Variants in FHIT observed in about 807,000 individuals in gnomAD.
The protein encoded by FHIT is bis(5'-adenosyl)-triphosphatase.
FHIT carries 19 observed loss-of-function variants against 17.9 expected under a neutral mutation model. That is an observed-to-expected ratio of 1.06 (90% CI 0.74 to 1.56). The LOEUF is 1.56. Among genes scored for constraint, FHIT ranks in the 40% most tolerant of loss-of-function variants. FHIT has a pLI of 0.00. For synonymous variants in FHIT, 81 were observed against 69.7 expected (o/e 1.16, Z -0.81); for missense variants, 248 against 189.2 (o/e 1.31, Z -1.82).
intron 5 of FHIT, among the ~76,000 whole-genome samples, chr3:60,199,568 C>G (rs213297): frequency 0.92 from 139,242 of 152,164 alleles, 63,707 homozygotes; most frequent in Non-Finnish European, 0.92. Flanking sequence ...GGGGTAATAG[C>G]GAGAGAATTA....
At chr3:60,501,680 C>A (rs2034531847) in intron 5 of FHIT, among the ~76,000 whole-genome samples, 1 of 152,204 alleles carries the variant, frequency 6.6e-6, no homozygotes, top group South Asian at 2.1e-4. Flanking sequence ...CTAGGTGATG[C>A]TCGGTCCTTT....
chr3:60,010,189 A>C (rs1354241163), intron 7 of FHIT, among the ~76,000 whole-genome samples: 1 of 152,266 alleles, frequency 6.6e-6, no homozygotes, highest in African/African-American at 2.4e-5. Flanking sequence ...AGTGATTTCA[A>C]AAAGAAGCCA....
At chr3:60,705,784 C>T (rs1000385012) in intron 4 of FHIT, among the ~76,000 whole-genome samples, 2 of 152,150 alleles carry the variant, frequency 1.3e-5, no homozygotes, top group Non-Finnish European at 2.9e-5. Context: ...GCTACACATG[C>T]GTCTCACACC....
intron 1 of FHIT, among the ~76,000 whole-genome samples, chr3:61,228,341 T>C (rs1428104849): frequency 6.6e-6 from 1 of 152,220 alleles, no homozygotes. Context: ...GAGAACTCTG[T>C]ACAAACAAAC....
intron 5 of FHIT, among the ~76,000 whole-genome samples, chr3:60,492,452 T>C (rs975059059): frequency 1.3e-5 from 2 of 152,096 alleles, no homozygotes; most frequent in Admixed American, 6.6e-5. Context: ...GGTGCAAGAA[T>C]TGGCTTCATA....
At chr3:59,854,878 C>G (rs1393430657) in intron 8 of FHIT, among the ~76,000 whole-genome samples, 1 of 152,178 alleles carries the variant, frequency 6.6e-6, no homozygotes, top group African/African-American at 2.4e-5. Context: ...AGCTAAGTCT[C>G]TTTATCCAAC....
chr3:60,437,081 G>C (rs1175854098), intron 5 of FHIT, among the ~76,000 whole-genome samples: 5 of 152,054 alleles, frequency 3.3e-5, no homozygotes, highest in Non-Finnish European at 7.4e-5. Flanking sequence ...TCACAGGAGA[G>C]GCCAACTAAA....
chr3:60,460,313 G>C (rs2032380106), intron 5 of FHIT, among the ~76,000 whole-genome samples: 1 of 151,974 alleles, frequency 6.6e-6, no homozygotes. Context: ...AGGTTTATAA[G>C]GAAAGAAGTT....
At chr3:60,486,293 G>A (rs2033837008) in intron 5 of FHIT, among the ~76,000 whole-genome samples, 1 of 152,114 alleles carries the variant, frequency 6.6e-6, no homozygotes, top group Non-Finnish European at 1.5e-5. Flanking sequence ...TAGAGGAAGA[G>A]AAAGATCAAG....
chr3:60,793,760 T>G (rs1453173078), intron 4 of FHIT, among the ~76,000 whole-genome samples: 1 of 152,144 alleles, frequency 6.6e-6, no homozygotes, highest in Non-Finnish European at 1.5e-5. Flanking sequence ...AAACTGGGCT[T>G]TCACTCTCAC....
At chr3:60,911,271 AC>A (rs1706727473) in intron 3 of FHIT, among the ~76,000 whole-genome samples, 1 of 152,136 alleles carries the variant, frequency 6.6e-6, no homozygotes, top group Non-Finnish European at 1.5e-5. Context: ...ATTTAATGAT[AC>A]CCTTTTGTGT....
At chr3:59,842,493 ACT>A (rs1220460177) in intron 8 of FHIT, among the ~76,000 whole-genome samples, 1 of 152,142 alleles carries the variant, frequency 6.6e-6, no homozygotes, top group Non-Finnish European at 1.5e-5. Flanking sequence ...AAACTGCCAC[ACT>A]GTTTTCCACA....
At chr3:59,832,462 C>G (rs185063376) in intron 8 of FHIT, among the ~76,000 whole-genome samples, 2 of 152,266 alleles carry the variant, frequency 1.3e-5, no homozygotes, top group East Asian at 3.9e-4. Context: ...GGTTATGTGA[C>G]TTTCTTTGCC....
chr3:60,746,266 C>A (rs6783059), intron 4 of FHIT, among the ~76,000 whole-genome samples: 68,559 of 151,998 alleles, frequency 0.45, 15,755 homozygotes, highest in African/African-American at 0.49. Context: ...AGCAATGAGT[C>A]ATAAAAGCAT....
intron 5 of FHIT, among the ~76,000 whole-genome samples, chr3:60,478,342 C>G (rs777788570): frequency 1.3e-5 from 2 of 152,108 alleles, no homozygotes; most frequent in African/African-American, 2.4e-5. Context: ...GCCAATGTAT[C>G]GGGGAATAAT....
intron 3 of FHIT, among the ~76,000 whole-genome samples, chr3:60,993,289 G>A (rs1427990565): frequency 6.6e-6 from 1 of 152,144 alleles, no homozygotes; most frequent in East Asian, 1.9e-4. Flanking sequence ...TTCGTCTCTG[G>A]GTATTACAAA....
At chr3:59,776,651 G>A (rs1702334086) in intron 8 of FHIT, among the ~76,000 whole-genome samples, 1 of 152,106 alleles carries the variant, frequency 6.6e-6, no homozygotes, top group African/African-American at 2.4e-5. Flanking sequence ...ACTCCCTACA[G>A]TCCAGCATCA....
At chr3:60,278,064 G>A (rs1707244883) in intron 5 of FHIT, among the ~76,000 whole-genome samples, 1 of 152,122 alleles carries the variant, frequency 6.6e-6, no homozygotes, top group African/African-American at 2.4e-5. Context: ...AGCAAAAACA[G>A]AAGGACCTAG....
chr3:59,889,874 C>A (rs1294319656), intron 8 of FHIT, among the ~76,000 whole-genome samples: 2 of 152,108 alleles, frequency 1.3e-5, no homozygotes. Flanking sequence ...GGGTATTGTT[C>A]TTTTCTTCCT....
Sources: allele counts gnomAD v4.1 joint callset (sites outside exome capture counted in the v4.1 genomes callset), GRCh38; gene constraint gnomAD v4.1.1; transcripts MANE v1.5; gene names NCBI Gene and HGNC (gene_info 2026-07-23, HGNC 2026-07-21).